CTNNBIP1: variants seen among roughly 807,000 people sequenced by gnomAD.
CTNNBIP1 encodes beta-catenin-interacting protein 1.
Under a neutral mutation model 11.8 loss-of-function variants are expected in CTNNBIP1, and 7 were observed. The observed-to-expected ratio is 0.60, with a 90% CI of 0.34 to 1.12. CTNNBIP1 has a LOEUF of 1.12. Among genes scored for constraint, CTNNBIP1 ranks in the 50% most tolerant of loss-of-function variants. CTNNBIP1 has a pLI of 0.03. For missense variants in CTNNBIP1, 101 were observed against 113.4 expected (o/e 0.89, Z 0.50); for synonymous variants, 58 against 43.9 (o/e 1.32, Z -1.26).
At chr1:9,894,443 C>T (rs1446905252) in intron 1 of CTNNBIP1, among the ~76,000 whole-genome samples, 1 of 152,040 alleles carries the variant, frequency 6.6e-6, no homozygotes, top group Non-Finnish European at 1.5e-5. Context: ...GCAGCCTCAA[C>T]ATCCAGGGCT....
intron 5 of CTNNBIP1, among the ~76,000 whole-genome samples, chr1:9,860,451 A>AC (rs1557746389): frequency 6.6e-6 from 1 of 150,582 alleles, no homozygotes; most frequent in Non-Finnish European, 1.5e-5. Context: ...AAAAAAAAAA[A>AC]AAACAAAACT....
At chr1:9,880,909 C>A (rs891097428) in intron 2 of CTNNBIP1, among the ~76,000 whole-genome samples, 1 of 152,220 alleles carries the variant, frequency 6.6e-6, no homozygotes, top group Admixed American at 6.5e-5. Context: ...ACCTCTATCA[C>A]GTCTTCCCTC....
intron 5 of CTNNBIP1, among the ~76,000 whole-genome samples, chr1:9,865,182 T>C (rs1217954681): frequency 1.4e-4 from 20 of 144,226 alleles, no homozygotes; most frequent in Non-Finnish European, 2.4e-4. Context: ...TGAGCCAAGA[T>C]AGCACCACTG....
chr1:9,856,533 G>A (rs1638506189), intron 5 of CTNNBIP1, among the ~76,000 whole-genome samples: 1 of 137,460 alleles, frequency 7.3e-6, no homozygotes, highest in Non-Finnish European at 1.5e-5. Context: ...TTTTTTTTGA[G>A]AGGGAGTCTC....
chr1:9,875,987 T>C (rs1431480963), intron 3 of CTNNBIP1, among the ~76,000 whole-genome samples: 1 of 152,236 alleles, frequency 6.6e-6, no homozygotes, highest in Admixed American at 6.5e-5. Context: ...TTGTTGCCTA[T>C]ACAAGCAAAC....
chr1:9,877,214 T>G (rs1638985749), intron 3 of CTNNBIP1, among the ~76,000 whole-genome samples: 1 of 152,220 alleles, frequency 6.6e-6, no homozygotes. Context: ...CATGCGGCAG[T>G]TGGAGGCTGG....
At chr1:9,866,875 G>A (rs912474150) in intron 5 of CTNNBIP1, among the ~76,000 whole-genome samples, 4 of 152,050 alleles carry the variant, frequency 2.6e-5, no homozygotes, top group Admixed American at 6.6e-5. Context: ...ATGAGAGGGA[G>A]AGAATGAAGC....
At chr1:9,895,204 G>A (rs1639386376) in intron 1 of CTNNBIP1, among the ~76,000 whole-genome samples, 1 of 150,918 alleles carries the variant, frequency 6.6e-6, no homozygotes, top group Non-Finnish European at 1.5e-5. Flanking sequence ...ACTGCACCCG[G>A]CCTGTTTTGT....
intron 3 of CTNNBIP1, among the ~76,000 whole-genome samples, chr1:9,874,659 C>A (rs767883749): frequency 1.3e-5 from 2 of 152,240 alleles, no homozygotes; most frequent in Non-Finnish European, 2.9e-5. Context: ...CCCCTGTCCT[C>A]CGGGAGACTA....
rs113027301 is a variant in CTNNBIP1, at chr1:9,850,715, C to A, written c.*3G>T. On this transcript the variant is annotated 3_prime_UTR_variant, in exon 6 of 6. Transcript: ENST00000377263. ...CATCCAGGGTGTTCCAAGGGCTTTG[C>A]AGCTACTGCCTCCGGTCTTCCGTCT... 1,317 of 1,613,726 alleles carry A rather than the reference C, an allele frequency of 8.2e-4. 15 individuals are homozygous for A. In the African/African-American group the frequency reaches 0.015, roughly 19 times the overall value.
At chr1:9,877,701 T>C (rs1639000147) in intron 3 of CTNNBIP1, among the ~76,000 whole-genome samples, 1 of 152,208 alleles carries the variant, frequency 6.6e-6, no homozygotes. Context: ...TGTCTTAGCC[T>C]AAAAGAAATC....
At chr1:9,909,901 G>C (rs1386653688) in intron 1 of CTNNBIP1, among the ~76,000 whole-genome samples, 194 bp downstream of exon 1, 1 of 152,044 alleles carries the variant, frequency 6.6e-6, no homozygotes, top group African/African-American at 2.4e-5. Context: ...GGAGGCGGGA[G>C]GTGGTCTGCG....
intron 1 of CTNNBIP1, among the ~76,000 whole-genome samples, chr1:9,894,510 C>G (rs1261645579): frequency 2.0e-5 from 3 of 151,274 alleles, no homozygotes; most frequent in Admixed American, 1.3e-4. Flanking sequence ...TGTGCACAAC[C>G]ACACTCGACT....
chr1:9,887,997 T>C (rs1639220074), intron 1 of CTNNBIP1, among the ~76,000 whole-genome samples: 1 of 151,770 alleles, frequency 6.6e-6, no homozygotes, highest in Non-Finnish European at 1.5e-5. Context: ...CTAATTTTTG[T>C]ATTCTTAGTA....
Position 9,876,857 on chromosome 1 carries a change from C to T in CTNNBIP1, c.-25+1048G>A, listed in dbSNP as rs963415501. 3.3e-3 allele frequency among the ~76,000 whole-genome samples: 443 copies of T among 135,264 alleles called. 3 individuals carry two copies. The highest frequency in any genetic ancestry group is 0.014 in the African/African-American group (421 of 29,476). The allele number at this position is 135,264 out of a possible 152,430, so 88.7% of individuals were successfully genotyped here. Reference sequence around the variant, plus strand: ...CTCCTGCTATACATACACACACACACACACACACACACACACACACACACA... The same window carrying T: ...CTCCTGCTATACATACACACACACATACACACACACACACACACACACACA... On this transcript the variant is annotated intron_variant, in intron 3 of 5. Coordinates refer to ENST00000377263, the MANE Select transcript of CTNNBIP1 (RefSeq NM_020248.3).
In CTNNBIP1 at chr1:9,849,580, C is replaced by T. The variant is rs910017975; in HGVS notation, c.*1138G>A. ...TATGTGGGTTCTGGGCTCCCAGAGA[C>T]CTCCGCCAGATGACCTCCAGAGTCT... On this transcript the variant is annotated 3_prime_UTR_variant, in exon 6 of 6. Coordinates refer to ENST00000377263, the MANE Select transcript of CTNNBIP1 (RefSeq NM_020248.3). The T allele has an allele frequency of 3.3e-5, 5 of 152,206 alleles. No individual in the cohort carries two copies. The highest frequency in any genetic ancestry group is 1.2e-4 in the African/African-American group (5 of 41,452). The allele number at this position is 152,206 out of a possible 1,614,324, so 9.4% of individuals were successfully genotyped here.
At chr1:9,889,977 AG>A (rs1328458018) in intron 1 of CTNNBIP1, among the ~76,000 whole-genome samples, 1 of 152,208 alleles carries the variant, frequency 6.6e-6, no homozygotes, top group Non-Finnish European at 1.5e-5. Flanking sequence ...GGAACCATGA[AG>A]GAAGTGCCCC....
In CTNNBIP1 at chr1:9,871,608, G is replaced by A. The variant is rs1415553716; in HGVS notation, c.97-331C>T. The stretch of plus-strand genomic sequence containing the variant: ...TCCACTCTTTTTGAGAAATACCCCT[G>A]CACATGCATGCCTGCTGCCCCCTCA... On this transcript the variant is annotated intron_variant, in intron 4 of 5. Transcript: ENST00000377263. The surrounding 1 kb of genome is among the most constrained non-coding windows in gnomAD (Gnocchi z 5.2). Among the ~76,000 whole-genome samples, 2 of 152,154 alleles carry A rather than the reference G, an allele frequency of 1.3e-5. No homozygotes were observed. Among genetic ancestry groups the A allele is most frequent in the Non-Finnish European group, 2.9e-5 (2 of 68,018 alleles).
At chr1:9,861,952 C>G (rs1011074663) in intron 5 of CTNNBIP1, among the ~76,000 whole-genome samples, 1 of 152,210 alleles carries the variant, frequency 6.6e-6, no homozygotes, top group Non-Finnish European at 1.5e-5. Flanking sequence ...TAAACGACAT[C>G]CCACAGGGTC....
Sources: gnomAD v4.1 joint callset for allele counts (sites outside exome capture counted in the v4.1 genomes callset) on GRCh38, gnomAD v4.1.1 for gene constraint, Gnocchi (gnomAD v3.1) non-coding constraint, MANE v1.5 for transcripts, NCBI Gene and HGNC (gene_info 2026-07-23, HGNC 2026-07-21) for gene names.